SORBS2: variants seen among roughly 807,000 people sequenced by gnomAD.
SORBS2 encodes the protein sorbin and SH3 domain-containing protein 2.
In SORBS2, 46 loss-of-function variants were observed where a neutral mutation model predicts 97.7. That is an observed-to-expected ratio of 0.47 (90% CI 0.37 to 0.60). The LOEUF is 0.60. SORBS2 is among the 20% of genes least tolerant of loss of function. The pLI is 0.00. For synonymous variants in SORBS2, 476 were observed against 473.4 expected (o/e 1.01, Z -0.07); for missense variants, 1,316 against 1,282.3 (o/e 1.03, Z -0.40).
At chr4:185,793,717 T>A (rs914450205) in intron 1 of SORBS2, among the ~76,000 whole-genome samples, 3 of 152,202 alleles carry the variant, frequency 2.0e-5, no homozygotes, top group Admixed American at 1.3e-4. Flanking sequence ...GGATTTTTTT[T>A]ATTGATGATG....
At chr4:185,921,188 G>A (rs541875022) in intron 1 of SORBS2, among the ~76,000 whole-genome samples, 4 of 152,330 alleles carry the variant, frequency 2.6e-5, no homozygotes, top group East Asian at 1.9e-4. Flanking sequence ...TCTCGTAGAC[G>A]TTAGACAGCT....
At chr4:185,724,208 T>C (rs533614267) in intron 2 of SORBS2, among the ~76,000 whole-genome samples, 43 of 147,160 alleles carry the variant, frequency 2.9e-4, no homozygotes, top group African/African-American at 1.0e-3. Flanking sequence ...CAGTATTGGC[T>C]TTTTTTTGAT....
intron 1 of SORBS2, among the ~76,000 whole-genome samples, chr4:185,846,774 C>T (rs2099214787): frequency 6.6e-6 from 1 of 152,108 alleles, no homozygotes; most frequent in Non-Finnish European, 1.5e-5. Context: ...ATTTCTTTCC[C>T]CCTAGGCTTG....
chr4:185,925,111 A>G (rs1330585475), intron 1 of SORBS2, among the ~76,000 whole-genome samples: 3 of 152,262 alleles, frequency 2.0e-5, no homozygotes, highest in African/African-American at 7.2e-5. Context: ...TTGCCATGAT[A>G]TAAGACAATG....
chr4:185,889,766 T>C (rs1158223021), intron 1 of SORBS2, among the ~76,000 whole-genome samples: 2 of 152,196 alleles, frequency 1.3e-5, no homozygotes, highest in African/African-American at 4.8e-5. Flanking sequence ...CTCCATTGGA[T>C]ATAATGAGGC....
At chr4:185,633,817 A>G (rs2011687) in intron 4 of SORBS2, among the ~76,000 whole-genome samples, 109,842 of 151,386 alleles carry the variant, frequency 0.73, 40,330 homozygotes, top group African/African-American at 0.78. Flanking sequence ...AAATGAGTGA[A>G]TTGGACATGA....
chr4:185,909,772 A>C (rs1481287179), intron 1 of SORBS2, among the ~76,000 whole-genome samples: 1 of 151,026 alleles, frequency 6.6e-6, no homozygotes, highest in African/African-American at 2.4e-5. Context: ...AATATTTGAC[A>C]CAGTTGATTT....
chr4:185,637,951 A>G, intron 4 of SORBS2, 128 bp downstream of exon 15: 3 of 673,278 alleles, frequency 4.5e-6, no homozygotes, highest in Admixed American at 4.3e-5. Context: ...CGCTGTACCA[A>G]GTGTGTGTAT....
chr4:185,697,355 G>A (rs149921096), intron 2 of SORBS2, among the ~76,000 whole-genome samples: 22 of 152,192 alleles, frequency 1.4e-4, no homozygotes, highest in South Asian at 8.3e-4. Flanking sequence ...GGATTTTCCC[G>A]TCTCCCAATT....
At chr4:185,745,374 T>C (rs1037053357) in intron 2 of SORBS2, among the ~76,000 whole-genome samples, 4 of 152,172 alleles carry the variant, frequency 2.6e-5, no homozygotes. Flanking sequence ...ATTTTTGGCG[T>C]TCATATTTTT....
intron 1 of SORBS2, among the ~76,000 whole-genome samples, chr4:185,900,261 A>G (rs1486776860): frequency 1.3e-5 from 2 of 152,228 alleles, no homozygotes; most frequent in Non-Finnish European, 2.9e-5. Context: ...GTAAAATATT[A>G]AATTGGCTAG....
intron 4 of SORBS2, among the ~76,000 whole-genome samples, chr4:185,640,782 G>A (rs1424195840): frequency 1.3e-5 from 2 of 152,154 alleles, no homozygotes; most frequent in African/African-American, 4.8e-5. Flanking sequence ...ACTGACAGGA[G>A]AGAGAATTTC....
chr4:185,697,398 T>C (rs2098191933), intron 2 of SORBS2, among the ~76,000 whole-genome samples: 1 of 152,186 alleles, frequency 6.6e-6, no homozygotes, highest in African/African-American at 2.4e-5. Flanking sequence ...ATGTTGGAAT[T>C]GAAAAGGAAT....
intron 1 of SORBS2, chr4:185,933,107 C>T (rs988278636): frequency 6.6e-6 from 1 of 152,204 alleles, no homozygotes; most frequent in East Asian, 1.9e-4. Flanking sequence ...AAAGTTGATT[C>T]CACATCACTG....
chr4:185,733,454 C>T (rs1432428219), intron 2 of SORBS2, among the ~76,000 whole-genome samples: 1 of 152,192 alleles, frequency 6.6e-6, no homozygotes, highest in African/African-American at 2.4e-5. Flanking sequence ...AAGGGCCCAT[C>T]CCGTGCTTCT....
intron 1 of SORBS2, among the ~76,000 whole-genome samples, chr4:185,878,579 G>A (rs1266619333): frequency 6.6e-6 from 1 of 152,192 alleles, no homozygotes; most frequent in African/African-American, 2.4e-5. Context: ...TGAATAGAAC[G>A]ATCGCCCATC....
In SORBS2 at chr4:185,802,052, A is replaced by G. The variant is rs570662747; in HGVS notation, c.-337-26686T>C. On this transcript the variant is annotated intron_variant, in intron 1 of 20. Coordinates refer to the SORBS2 transcript ENST00000284776. ...CCCACCTTGTTCGAGCCCCAATTAA[A>G]ATACCATTTTCTCTAATCCATCTTT... 3.3e-5 allele frequency among the ~76,000 whole-genome samples: 5 copies of G among 152,340 alleles called. No individual in the cohort carries two copies. The East Asian group carries it at 7.7e-4, about 24-fold the overall frequency.
chr4:185,722,170 A>C (rs2098519957), intron 2 of SORBS2, among the ~76,000 whole-genome samples: 1 of 152,248 alleles, frequency 6.6e-6, no homozygotes, highest in Admixed American at 6.5e-5. Context: ...AGACAGGATG[A>C]TGAAACGGCT....
intron 1 of SORBS2, among the ~76,000 whole-genome samples, chr4:185,834,672 T>A (rs952241147): frequency 1.8e-4 from 28 of 152,286 alleles, no homozygotes; most frequent in Non-Finnish European, 3.2e-4. Context: ...AATTAATTCC[T>A]AGGTTGGGCC....
Sources: allele counts gnomAD v4.1 joint callset (sites outside exome capture counted in the v4.1 genomes callset), GRCh38; gene constraint gnomAD v4.1.1; transcripts MANE v1.5; gene names NCBI Gene and HGNC (gene_info 2026-07-23, HGNC 2026-07-21).